ZSWIM6: variants seen among roughly 807,000 people sequenced by gnomAD.
The protein encoded by ZSWIM6 is zinc finger SWIM domain-containing protein 6.
Under a neutral mutation model 113.2 loss-of-function variants are expected in ZSWIM6, and 9 were observed. The observed-to-expected ratio is 0.08, with a 90% confidence interval of 0.05 to 0.14. The LOEUF (loss-of-function observed/expected upper bound fraction) is 0.14. Among genes scored for constraint, ZSWIM6 ranks in the 10% least tolerant of loss-of-function variants. The pLI is 1.00. For missense variants in ZSWIM6, 1,162 were observed against 1,552.2 expected, an observed-to-expected ratio of 0.75 and a Z score of 4.22; for synonymous variants, 611 against 606.5, an observed-to-expected ratio of 1.01 and a Z score of -0.11.
intron 1 of ZSWIM6, among the ~76,000 whole-genome samples, chr5:61,470,969 T>C (rs1747555459): frequency 6.6e-6 from 1 of 152,242 alleles, no homozygotes; most frequent in Admixed American, 6.5e-5. Flanking sequence ...TCAGATGTCC[T>C]GTGTGTAAAC....
intron 1 of ZSWIM6, among the ~76,000 whole-genome samples, chr5:61,470,234 G>T (rs1458443730): frequency 6.6e-6 from 1 of 152,156 alleles, no homozygotes; most frequent in Non-Finnish European, 1.5e-5. Flanking sequence ...AGTGTTAAGT[G>T]GGAAGAGACT....
At chr5:61,518,584 C>T (rs1749025779) in intron 4 of ZSWIM6, among the ~76,000 whole-genome samples, 1 of 152,162 alleles carries the variant, frequency 6.6e-6, no homozygotes, top group African/African-American at 2.4e-5. Context: ...ACATAAATGT[C>T]TTCTTTTGAG....
At chr5:61,346,405 T>C (rs555763526) in intron 1 of ZSWIM6, among the ~76,000 whole-genome samples, 1 of 152,206 alleles carries the variant, frequency 6.6e-6, no homozygotes, top group African/African-American at 2.4e-5. Context: ...TTAGAGGTTA[T>C]AGTAGATAAT....
chr5:61,361,193 A>G (rs1418148749), intron 1 of ZSWIM6, among the ~76,000 whole-genome samples: 1 of 152,148 alleles, frequency 6.6e-6, no homozygotes, highest in Non-Finnish European at 1.5e-5. Context: ...TAAGTGCTTT[A>G]AACACATTGC....
intron 3 of ZSWIM6, among the ~76,000 whole-genome samples, 181 bp downstream of exon 3, chr5:61,491,115 AG>A (rs1259579989): frequency 6.6e-6 from 1 of 152,106 alleles, no homozygotes; most frequent in Non-Finnish European, 1.5e-5. Flanking sequence ...ATCTTAGACA[AG>A]ATATGGGATA....
At chr5:61,502,671 T>A (rs541771881) in intron 4 of ZSWIM6, among the ~76,000 whole-genome samples, 32 of 152,214 alleles carry the variant, frequency 2.1e-4, no homozygotes, top group Non-Finnish European at 4.3e-4. Flanking sequence ...GTCCGTGGCC[T>A]GTTAGGAACT....
chr5:61,426,581 A>G (rs568859429), intron 1 of ZSWIM6, among the ~76,000 whole-genome samples: 1 of 152,158 alleles, frequency 6.6e-6, no homozygotes. Context: ...AGTTTTGTCA[A>G]TTGATTGAAT....
chr5:61,443,508 A>T (rs563343264), intron 1 of ZSWIM6, among the ~76,000 whole-genome samples: 1 of 152,166 alleles, frequency 6.6e-6, no homozygotes, highest in African/African-American at 2.4e-5. Flanking sequence ...GGGACCCAAT[A>T]TCCAGAAAAA....
At chr5:61,389,702 G>T (rs1745664202) in intron 1 of ZSWIM6, among the ~76,000 whole-genome samples, 2 of 152,120 alleles carry the variant, frequency 1.3e-5, no homozygotes, top group African/African-American at 2.4e-5. Flanking sequence ...AATTTTGACA[G>T]ATTTATTATG....
chr5:61,414,904 C>T (rs1036683526), intron 1 of ZSWIM6, among the ~76,000 whole-genome samples: 2 of 152,180 alleles, frequency 1.3e-5, no homozygotes, highest in Admixed American at 6.5e-5. Flanking sequence ...GTGCCTTGCA[C>T]CATCTAATCC....
chr5:61,409,071 GTTTTTTT>G (rs745675137), intron 1 of ZSWIM6, among the ~76,000 whole-genome samples: 4 of 118,700 alleles, frequency 3.4e-5, no homozygotes, highest in Admixed American at 1.8e-4. Flanking sequence ...GAGGGGAAAG[GTTTTTTT>G]TTTTTTTTTT....
chr5:61,473,162 A>G (rs537605810), intron 2 of ZSWIM6, 125 bp downstream of exon 2: 1 of 591,638 alleles, frequency 1.7e-6, no homozygotes, highest in East Asian at 3.1e-5. Context: ...TAGTTGGTCA[A>G]AAGAGATTTT....
rs1236052866 is a variant in ZSWIM6, at chr5:61,518,994, G to A, written c.1334-2269G>A. On this transcript the variant is annotated intron_variant, in intron 4 of 13. Coordinates refer to ENST00000252744, the MANE Select transcript of ZSWIM6 (RefSeq NM_020928.2). ...GGTGTAAGGAAGGGATCCAGTTTCA[G>A]CTTTCTACATATGGCTAGCCAGTTT... Among the ~76,000 whole-genome samples, 7 of 152,050 alleles carry A rather than the reference G, an allele frequency of 4.6e-5. No homozygotes were observed. The East Asian group carries it at 1.2e-3, about 25-fold the overall frequency.
At chr5:61,442,308 G>C (rs1746856110) in intron 1 of ZSWIM6, among the ~76,000 whole-genome samples, 1 of 152,136 alleles carries the variant, frequency 6.6e-6, no homozygotes, top group East Asian at 1.9e-4. Flanking sequence ...CGTCAGTTCT[G>C]TGGGACAGTT....
chr5:61,385,055 G>A (rs774249279), intron 1 of ZSWIM6, among the ~76,000 whole-genome samples: 6 of 151,928 alleles, frequency 3.9e-5, no homozygotes, highest in African/African-American at 1.2e-4. Flanking sequence ...GTGAGACTCC[G>A]TCTCAAAAAA....
intron 1 of ZSWIM6, 51 bp downstream of exon 1, chr5:61,332,999 T>TGGGGGGGGGGGG: frequency 2.6e-5 from 16 of 622,418 alleles, no homozygotes; most frequent in East Asian, 1.6e-4. Flanking sequence ...AGTCCCTGGG[T>TGGGGGGGGGGGG]GGGGGGGGGG....
intron 1 of ZSWIM6, among the ~76,000 whole-genome samples, chr5:61,342,772 G>A (rs1039693513): frequency 6.6e-6 from 1 of 152,074 alleles, no homozygotes; most frequent in African/African-American, 2.4e-5. Flanking sequence ...GTCTTAAAAT[G>A]GACATACTAT....
intron 9 of ZSWIM6, among the ~76,000 whole-genome samples, chr5:61,534,284 G>GA (rs914118212): frequency 2.6e-5 from 4 of 152,098 alleles, no homozygotes; most frequent in African/African-American, 7.2e-5. Context: ...TAGTTTAGGT[G>GA]AAAAAATTTG....
At chr5:61,495,753 A>T (rs1561263349) in intron 4 of ZSWIM6, among the ~76,000 whole-genome samples, 1 of 152,340 alleles carries the variant, frequency 6.6e-6, no homozygotes, top group East Asian at 1.9e-4. Context: ...TTACTTTTTA[A>T]GTAAACCTTT....
Sources: gnomAD v4.1 joint callset for allele counts (sites outside exome capture counted in the v4.1 genomes callset) on GRCh38, gnomAD v4.1.1 for gene constraint, MANE v1.5 for transcripts, NCBI Gene and HGNC (gene_info 2026-07-23, HGNC 2026-07-21) for gene names.